Variants in PDE4D observed in about 807,000 individuals in gnomAD.
The protein encoded by PDE4D is 3',5'-cyclic-AMP phosphodiesterase 4D.
PDE4D carries 24 observed loss-of-function variants against 87.4 expected under a neutral mutation model. That is an observed-to-expected ratio of 0.27 (90% CI 0.20 to 0.39). The LOEUF (loss-of-function observed/expected upper bound fraction) is 0.39, where lower values mean the gene tolerates loss of function less well. PDE4D is among the 10% of genes least tolerant of loss of function. The pLI, the probability that PDE4D is intolerant of heterozygous loss-of-function variation, is 1.00. For missense variants in PDE4D, 714 were observed against 1,041.0 expected, an observed-to-expected ratio of 0.69 and a Z score of 4.32; for synonymous variants, 384 against 383.2, an observed-to-expected ratio of 1.00 and a Z score of -0.02.
Position 59,227,288 on chromosome 5 carries a change from G to A in PDE4D, c.456-11320C>T, listed in dbSNP as rs114050060. Among the ~76,000 whole-genome samples, 1,324 of 152,154 alleles carry A rather than the reference G, an allele frequency of 8.7e-3. 17 individuals are homozygous for A. Among genetic ancestry groups the A allele is most frequent in the African/African-American group, 0.029 (1,187 of 41,510 alleles). ...TAAAAGCTAAAGGTATAAAAACCCT[G>A]GAAGATAACCAAATAAATACCACTT... On this transcript the variant is annotated intron_variant, in intron 1 of 14. Coordinates refer to ENST00000340635, the MANE Select transcript of PDE4D (RefSeq NM_001104631.2).
intron 1 of PDE4D, among the ~76,000 whole-genome samples, chr5:59,834,003 C>A (rs572902755): frequency 7.9e-5 from 12 of 151,938 alleles, no homozygotes; most frequent in Non-Finnish European, 1.6e-4. Context: ...AGAAAAAAAT[C>A]AATAGTTTTT....
intron 6 of PDE4D, among the ~76,000 whole-genome samples, chr5:59,036,143 T>G (rs949577569): frequency 6.6e-6 from 1 of 152,234 alleles, no homozygotes; most frequent in African/African-American, 2.4e-5. Flanking sequence ...CCCAGTTTGT[T>G]AAATGGGTTT....
At chr5:59,843,344 G>A (rs957299333) in intron 1 of PDE4D, among the ~76,000 whole-genome samples, 1 of 151,914 alleles carries the variant, frequency 6.6e-6, no homozygotes, top group Admixed American at 6.6e-5. Flanking sequence ...TTTGGAGCAA[G>A]AGAGAGGAAA....
chr5:60,345,302 G>A (rs897824061), intron 1 of PDE4D, among the ~76,000 whole-genome samples: 1 of 151,940 alleles, frequency 6.6e-6, no homozygotes, highest in African/African-American at 2.4e-5. Context: ...GTCGTGGGGT[G>A]GGGGAAGGGG....
intron 2 of PDE4D, chr5:60,147,649 C>A: frequency 2.6e-6 from 1 of 381,808 alleles, no homozygotes; most frequent in Non-Finnish European, 5.2e-6. Flanking sequence ...TTCAGGAGAG[C>A]TTAGGGTCTC....
At chr5:60,400,107 T>G (rs990865807) in intron 1 of PDE4D, among the ~76,000 whole-genome samples, 3 of 152,174 alleles carry the variant, frequency 2.0e-5, no homozygotes, top group Admixed American at 6.5e-5. Context: ...ATGGCCAGAT[T>G]CTCTCCTATT....
chr5:59,224,740 T>C (rs756569638), intron 1 of PDE4D, among the ~76,000 whole-genome samples: 1 of 152,152 alleles, frequency 6.6e-6, no homozygotes, highest in Non-Finnish European at 1.5e-5. Flanking sequence ...CCTAATCCAA[T>C]AGTGCTGGTG....
intron 1 of PDE4D, among the ~76,000 whole-genome samples, chr5:59,581,332 T>G (rs558775962): frequency 6.6e-6 from 1 of 152,316 alleles, no homozygotes; most frequent in Non-Finnish European, 1.5e-5. Context: ...TTTCCTTTAC[T>G]TGCCTATTTT....
intron 1 of PDE4D, among the ~76,000 whole-genome samples, chr5:59,395,724 T>C (rs892376821): frequency 4.5e-5 from 6 of 132,824 alleles, no homozygotes; most frequent in Non-Finnish European, 9.7e-5. Flanking sequence ...AGAACAAAGC[T>C]GGATGGAGAA....
chr5:59,429,457 T>C (rs1795786587), intron 1 of PDE4D, among the ~76,000 whole-genome samples: 1 of 152,180 alleles, frequency 6.6e-6, no homozygotes, highest in Admixed American at 6.5e-5. Context: ...AGGTGAAATC[T>C]GGCAAAATGC....
chr5:60,333,724 A>G lies in PDE4D; in HGVS notation c.-89-148037T>C, dbSNP rs926610147. Reference sequence around the variant, plus strand: ...ACCACATGCATTATGTGTGAGCTGCATCCATCCACACCTGTTGTTACAACT... The same window carrying G: ...ACCACATGCATTATGTGTGAGCTGCGTCCATCCACACCTGTTGTTACAACT... On this transcript the variant is annotated intron_variant, in intron 1 of 16. Coordinates refer to the PDE4D transcript ENST00000502484. Among the ~76,000 whole-genome samples the G allele has an allele frequency of 1.1e-4, 16 of 152,196 alleles. 1 individual carries two copies. The highest frequency in any genetic ancestry group is 3.6e-4 in the African/African-American group (15 of 41,448).
intron 1 of PDE4D, among the ~76,000 whole-genome samples, chr5:59,434,593 C>T (rs1337144018): frequency 1.3e-5 from 2 of 152,074 alleles, no homozygotes; most frequent in African/African-American, 4.8e-5. Flanking sequence ...CCTCTTTATT[C>T]AGAGTTCACA....
exon 2 of PDE4D, chr5:60,185,566 C>T: frequency 6.5e-7 from 1 of 1,528,936 alleles, no homozygotes; most frequent in Non-Finnish European, 8.8e-7. Flanking sequence ...CACTTTTGCT[C>T]CGAGAAAGCA....
At chr5:59,540,584 A>G (rs189374235) in intron 1 of PDE4D, among the ~76,000 whole-genome samples, 18 of 152,190 alleles carry the variant, frequency 1.2e-4, no homozygotes, top group African/African-American at 4.1e-4. Context: ...GCCCTTTGTA[A>G]ATCCTGGAAC....
chr5:59,654,893 C>T (rs1580189449), intron 1 of PDE4D, among the ~76,000 whole-genome samples: 1 of 152,194 alleles, frequency 6.6e-6, no homozygotes, highest in South Asian at 2.1e-4. Flanking sequence ...TGCATTGATA[C>T]TGAATTCTTT....
At chr5:59,521,803 T>C (rs908112815) in intron 1 of PDE4D, among the ~76,000 whole-genome samples, 2 of 152,208 alleles carry the variant, frequency 1.3e-5, no homozygotes, top group Non-Finnish European at 2.9e-5. Flanking sequence ...CTGTCTGTTA[T>C]AATATTTGAT....
At chr5:59,342,632 C>CTGGGCAAGTAAACA (rs1051117829) in intron 1 of PDE4D, among the ~76,000 whole-genome samples, 1 of 152,042 alleles carries the variant, frequency 6.6e-6, no homozygotes, top group South Asian at 2.1e-4. Context: ...GCTGAATCAA[C>CTGGGCAAGTAAACA]TGGGCAAGTA....
At chr5:59,218,133 C>T in intron 1 of PDE4D, 2 of 282,864 alleles carry the variant, frequency 7.1e-6, no homozygotes, top group South Asian at 6.3e-5. Flanking sequence ...AGAAGATAGT[C>T]ATGGCAGCTT....
intron 6 of PDE4D, among the ~76,000 whole-genome samples, chr5:59,016,711 C>T (rs1754076644): frequency 6.6e-6 from 1 of 151,984 alleles, no homozygotes. Context: ...ACCAGGGTTC[C>T]AAGTAAAATT....
Sources: gnomAD v4.1 joint callset for allele counts (sites outside exome capture counted in the v4.1 genomes callset) on GRCh38, gnomAD v4.1.1 for gene constraint, MANE v1.5 for transcripts, NCBI Gene and HGNC (gene_info 2026-07-23, HGNC 2026-07-21) for gene names.